Variants in UBTF observed in about 807,000 individuals in gnomAD.
UBTF encodes the protein nucleolar transcription factor 1.
Under a neutral mutation model 112.3 loss-of-function variants are expected in UBTF, and 8 were observed. The ratio of observed to expected loss-of-function variants is 0.07; its 90% CI spans 0.04 to 0.13. The LOEUF is 0.13. Ranked by LOEUF, UBTF falls within the 10% of genes least tolerant of loss-of-function variation. UBTF has a pLI of 1.00. For missense variants in UBTF, 457 were observed against 982.1 expected (o/e 0.47, Z 7.15); for synonymous variants, 417 against 373.1 (o/e 1.12, Z -1.36).
intron 1 of UBTF, 166 bp from the exon 2 acceptor site, chr17:44,218,462 C>T (rs1242281803): frequency 1.2e-5 from 6 of 515,930 alleles, no homozygotes; most frequent in Admixed American, 4.0e-5. Context: ...CCCTCCTCTT[C>T]CTCGTGACCC....
chr17:44,212,154 C>T, intron 8 of UBTF, 148 bp from the exon 9 acceptor site: 1 of 766,822 alleles, frequency 1.3e-6, no homozygotes. Context: ...TGGTGCCCTG[C>T]CCTGCCCTAG....
At chr17:44,208,372 T>C (rs9895423) in intron 17 of UBTF, among the ~76,000 whole-genome samples, 52,134 of 152,110 alleles carry the variant, frequency 0.34, 10,122 homozygotes, top group East Asian at 0.7. Context: ...CCCAAAGTGC[T>C]AGGATTACAG....
At chr17:44,218,981 G>T (rs1777538161) in intron 1 of UBTF, 1 of 112,288 alleles carries the variant, frequency 8.9e-6, no homozygotes, top group East Asian at 2.9e-4. Flanking sequence ...CAGAGGCGCC[G>T]CCACCGCCCA....
intron 7 of UBTF, 117 bp from the exon 8 acceptor site, chr17:44,212,571 C>A: frequency 9.7e-7 from 1 of 1,026,548 alleles, no homozygotes; most frequent in South Asian, 1.5e-5. Flanking sequence ...ACATCAGTGT[C>A]CCCCACAGGC....
upstream of UBTF, among the ~76,000 whole-genome samples, chr17:44,220,538 T>TA (rs78711085): frequency 1.0e-3 from 149 of 146,026 alleles, no homozygotes; most frequent in Middle Eastern, 3.6e-3. Context: ...ACCTCTGCAT[T>TA]AAAAAAAAAA....
chr17:44,217,781 G>A (rs970626699), intron 2 of UBTF, among the ~76,000 whole-genome samples: 2 of 152,136 alleles, frequency 1.3e-5, no homozygotes, highest in Non-Finnish European at 2.9e-5. Context: ...TTCTCCACCT[G>A]CCTCTACAAA....
At chr17:44,218,771 CA>C (rs1363507344) in intron 1 of UBTF, among the ~76,000 whole-genome samples, 1 of 150,910 alleles carries the variant, frequency 6.6e-6, no homozygotes. Flanking sequence ...CCCGCCTCCG[CA>C]ACCCGGCGGG....
rs1302336986 is a variant in UBTF at position 44,211,788 on chromosome 17, G to A, written c.906-41C>T. On this transcript the variant is annotated intron_variant, in intron 9 of 20. Transcript: ENST00000436088. The surrounding 1 kb of genome is among the most constrained non-coding windows in gnomAD (Gnocchi z 4.9). Reference sequence around the variant, plus strand: ...GGAGAGAGGTGCAGCCCGTAAGCGAGCAGGGCAGCAGGCCTTCTCACCTGC... The same window carrying A: ...GGAGAGAGGTGCAGCCCGTAAGCGAACAGGGCAGCAGGCCTTCTCACCTGC... The A allele has an allele frequency of 3.1e-6, 5 of 1,598,196 alleles. No homozygotes were observed. The highest frequency in any genetic ancestry group is 1.3e-5 in the African/African-American group (1 of 74,774).
chr17:44,207,534 C>G lies in UBTF; in HGVS notation c.2089G>C (p.Asp697His). ...DEDEDEEEEDDENGDSSEDGG... is the reference protein window; with the variant it reads ...DEDEDEEEEDHENGDSSEDGG... The stretch of plus-strand genomic sequence containing the variant: ...TCTTCAGAGGAGTCCCCATTCTCAT[C>G]ATCTTCCTCTTCTTCATCCTCGTCC... The change falls in exon 20 of 21, where the codon GAT (aspartate) becomes CAT (histidine). Residue 697 changes from aspartate to histidine, a missense_variant. Physicochemically the swap from Asp to His is moderately conservative, Grantham distance 81. Transcript: ENST00000436088. 6.2e-7 allele frequency: 1 copy of G among 1,614,142 alleles called. No individual in the cohort carries two copies. Among genetic ancestry groups the G allele is most frequent in the Non-Finnish European group, 8.5e-7 (1 of 1,180,042 alleles).
rs2056686590 is a variant in UBTF, at chr17:44,211,689, T to C, written c.964A>G (p.Thr322Ala). The C allele has an allele frequency of 6.2e-7, 1 of 1,610,162 alleles. No individual in the cohort carries two copies. Among genetic ancestry groups the C allele is most frequent in the African/African-American group, 1.3e-5 (1 of 74,958 alleles). The change falls in exon 10 of 21, where the codon ACA becomes GCA. Residue 322 changes from threonine (T) to alanine (A), a missense_variant. This residue lies in a region of UBTF where 87 missense variants were observed against 286.6 expected (regional missense o/e 0.30). Transcript: ENST00000436088. The surrounding 1 kb of genome is among the most constrained non-coding windows in gnomAD (Gnocchi z 4.9). Reference sequence around the variant, plus strand: ...TGGCTGCACAGCACCATGCGCTCTGTGCTGGGCACGTCCTTCATGTTGGCC... The same window carrying C: ...TGGCTGCACAGCACCATGCGCTCTGCGCTGGGCACGTCCTTCATGTTGGCC... ...LMANMKDVPSTERMVLCSQQW... is the reference protein window; with the variant it reads ...LMANMKDVPSAERMVLCSQQW...
intron 1 of UBTF, 110 bp downstream of exon 1, chr17:44,219,335 C>T (rs1030982096): frequency 1.4e-4 from 21 of 151,250 alleles, no homozygotes; most frequent in African/African-American, 4.3e-4. Flanking sequence ...CGCGCCCGGT[C>T]GCCTGCTCGG....
intron 13 of UBTF, 58 bp downstream of exon 13, chr17:44,210,734 G>C: frequency 6.5e-7 from 1 of 1,543,904 alleles, no homozygotes; most frequent in Non-Finnish European, 8.7e-7. Flanking sequence ...CCCGCCAAGG[G>C]GAAGAGGGGG....
upstream of UBTF, among the ~76,000 whole-genome samples, chr17:44,220,309 C>T (rs1202360672): frequency 6.6e-6 from 1 of 151,846 alleles, no homozygotes. Context: ...TGCTCCGGAG[C>T]TCTCCCCCAA....
chr17:44,212,429 G>A lies in UBTF; in HGVS notation c.686C>T (p.Ser229Phe), dbSNP rs866221738. Reference sequence around the variant, plus strand: ...GAGCTGAGACCACTGCTTCCCCAGGGAGTCCTTCACCTCCTTCGTAGTGGC... The same window carrying A: ...GAGCTGAGACCACTGCTTCCCCAGGAAGTCCTTCACCTCCTTCGTAGTGGC... ...PDATTKEVKD[S>F]LGKQWSQLSD... is the part of the protein sequence containing the mutation. Residue 229 changes from serine to phenylalanine, a missense_variant, in exon 8 of 21, where the codon TCC becomes TTC. By Grantham distance (155) the Ser-to-Phe change is radical. Transcript: ENST00000436088. The A allele has an allele frequency of 6.2e-7, 1 of 1,605,000 alleles. No individual in the cohort carries two copies.
chr17:44,216,410 C>CG, intron 3 of UBTF, 119 bp downstream of exon 3: 3 of 1,223,816 alleles, frequency 2.5e-6, no homozygotes, highest in Non-Finnish European at 3.5e-6. Flanking sequence ...AGAGAGCTAA[C>CG]GGGAGACCAC....
chr17:44,219,906 G>A (rs993399767), upstream of UBTF, among the ~76,000 whole-genome samples: 1 of 150,932 alleles, frequency 6.6e-6, no homozygotes, highest in Non-Finnish European at 1.5e-5. Context: ...CGCCTCGCCG[G>A]CTCCGCTCCC....
In UBTF at chr17:44,206,881, T is replaced by G; in HGVS notation, c.*361A>C. The stretch of plus-strand genomic sequence containing the variant: ...CCCACCTTGGATTGGGCCGCAGGTG[T>G]GGAGGGCCTCATCAAACTCTTTGGG... On this transcript the variant is annotated 3_prime_UTR_variant, in exon 21 of 21. Transcript: ENST00000436088. 1 of 368,066 alleles carries G rather than the reference T, an allele frequency of 2.7e-6. No homozygotes were observed. The highest frequency in any genetic ancestry group is 4.9e-6 in the Non-Finnish European group (1 of 205,108). The allele number at this position is 368,066 out of a possible 1,614,324, so 22.8% of individuals were successfully genotyped here.
chr17:44,214,514 C>G (rs1386488210), intron 5 of UBTF, among the ~76,000 whole-genome samples: 1 of 152,210 alleles, frequency 6.6e-6, no homozygotes, highest in Non-Finnish European at 1.5e-5. Context: ...GGCTCTGACT[C>G]TAGAGCTTGG....
rs747851306 is a variant in UBTF, at chr17:44,211,034, C to G, written c.1203+5G>C. ...CCCGCCTGCGCGGCCGCACCCTCTG[C>G]CCACCTTGCCCCCTTCCTGGGCTGG... On this transcript the variant is annotated splice_donor_5th_base_variant and intron_variant, in intron 12 of 20. Transcript: ENST00000436088. The surrounding 1 kb of genome is among the most constrained non-coding windows in gnomAD (Gnocchi z 4.9). 6.2e-7 allele frequency: 1 copy of G among 1,609,032 alleles called. No individual in the cohort carries two copies. The highest frequency in any genetic ancestry group is 8.5e-7 in the Non-Finnish European group (1 of 1,178,580).
Sources: allele counts gnomAD v4.1 joint callset (sites outside exome capture counted in the v4.1 genomes callset), GRCh38; gene constraint gnomAD v4.1.1; regional missense constraint gnomAD v4.1.1; non-coding constraint Gnocchi (gnomAD v3.1); transcripts MANE v1.5; gene names NCBI Gene and HGNC (gene_info 2026-07-23, HGNC 2026-07-21).